The following OR6N1 variants were observed in gnomAD, a reference collection of about 807,000 sequenced individuals.
OR6N1 encodes olfactory receptor family 6 subfamily N member 1.
For missense variants in OR6N1, 394 were observed against 371.7 expected (o/e 1.06, Z -0.49); for synonymous variants, 170 against 150.7 (o/e 1.13, Z -0.94).
Position 158,766,543 on chromosome 1 carries a change from A to G in OR6N1, c.140T>C (p.Leu47Pro). The G allele has an allele frequency of 8.1e-6, 13 of 1,614,092 alleles. No homozygotes were observed. Among genetic ancestry groups the G allele is most frequent in the Non-Finnish European group, 1.1e-5 (13 of 1,179,998 alleles). Reference protein sequence around the residue: ...MTVLGNLLIFLVVCLDSRLHT... With the variant: ...MTVLGNLLIFPVVCLDSRLHT... The stretch of plus-strand genomic sequence containing the variant: ...AAGCCGGGAGTCCAGGCAGACCACC[A>G]GGAATATCAGCAGGTTTCCCAACAC... The change falls in exon 2 of 2, where the codon CTG (leucine) becomes CCG (proline). Residue 47 changes from leucine to proline, a missense_variant. Transcript: ENST00000641846.
the OR6N1 span, among the ~76,000 whole-genome samples, chr1:158,812,961 G>T: frequency 6.6e-6 from 1 of 152,102 alleles, no homozygotes; most frequent in Non-Finnish European, 1.5e-5. Context: ...TGGAATGGGG[G>T]AAACAGACCC....
At position 158,766,511 on chromosome 1, in the gene OR6N1, G is replaced by T. The variant is rs376841145; in HGVS notation, c.172C>A (p.Pro58Thr). 7.4e-5 allele frequency: 119 copies of T among 1,614,030 alleles called. No individual in the cohort carries two copies. The highest frequency in any genetic ancestry group is 8.9e-5 in the Non-Finnish European group (105 of 1,180,024). ...VVCLDSRLHT[P>T]MYHFVSILSF... Reference sequence around the variant, plus strand: ...AGAATGCTGACAAAGTGGTACATGGGTGTGTGAAGCCGGGAGTCCAGGCAG... The same window carrying T: ...AGAATGCTGACAAAGTGGTACATGGTTGTGTGAAGCCGGGAGTCCAGGCAG... Residue 58 changes from proline (P) to threonine (T), a missense_variant, in exon 2 of 2, where the codon CCC becomes ACC. By Grantham distance (38) the Pro-to-Thr change is conservative (BLOSUM62 -1). Transcript: ENST00000641846.
chr1:158,819,334 T>C, the OR6N1 span, among the ~76,000 whole-genome samples: 1 of 152,160 alleles, frequency 6.6e-6, no homozygotes, highest in Admixed American at 6.5e-5. Context: ...AGGGCATCAT[T>C]TCCTACATTC....
chr1:158,782,856 G>A, the OR6N1 span, among the ~76,000 whole-genome samples: 2 of 151,964 alleles, frequency 1.3e-5, no homozygotes, highest in Non-Finnish European at 2.9e-5. Flanking sequence ...GACTTTGTCT[G>A]ATGTTGGTAT....
the OR6N1 span, among the ~76,000 whole-genome samples, chr1:158,794,509 T>A: frequency 6.6e-6 from 1 of 152,288 alleles, no homozygotes; most frequent in African/African-American, 2.4e-5. Flanking sequence ...TCCACGCTGT[T>A]GCCAGGGAGC....
chr1:158,829,802 A>G, the OR6N1 span, among the ~76,000 whole-genome samples: 3 of 152,218 alleles, frequency 2.0e-5, no homozygotes, highest in South Asian at 4.1e-4. Flanking sequence ...AAAGAATCTT[A>G]TTGGACTTAA....
At chr1:158,772,360 C>G (rs1657443212), upstream of OR6N1, among the ~76,000 whole-genome samples, 1 of 152,158 alleles carries the variant, frequency 6.6e-6, no homozygotes, top group African/African-American at 2.4e-5. Context: ...AGTTCATTAG[C>G]CAGTAGTCCT....
At chr1:158,833,979 G>T in the OR6N1 span, among the ~76,000 whole-genome samples, 10 of 152,018 alleles carry the variant, frequency 6.6e-5, no homozygotes, top group South Asian at 2.1e-3. Context: ...GATGTACAAG[G>T]TTTCCCTTTT....
the OR6N1 span, among the ~76,000 whole-genome samples, chr1:158,810,399 C>T: frequency 6.6e-6 from 1 of 152,112 alleles, no homozygotes; most frequent in Non-Finnish European, 1.5e-5. Context: ...ATTTCATGTT[C>T]CTGGAAATGC....
the OR6N1 span, among the ~76,000 whole-genome samples, chr1:158,797,104 G>T: frequency 6.6e-6 from 1 of 152,154 alleles, no homozygotes; most frequent in East Asian, 1.9e-4. Context: ...CTCTAATTTG[G>T]CAACTCCTTC....
At chr1:158,837,056 A>G in the OR6N1 span, among the ~76,000 whole-genome samples, 1 of 151,838 alleles carries the variant, frequency 6.6e-6, no homozygotes, top group Admixed American at 6.6e-5. Context: ...TGATAAAAAA[A>G]TATACTCTGT....
chr1:158,835,615 T>TGGGGGGG, the OR6N1 span, among the ~76,000 whole-genome samples: 1 of 38,604 alleles, frequency 2.6e-5, no homozygotes, highest in African/African-American at 1.0e-4. Flanking sequence ...CTATTTTTGG[T>TGGGGGGG]GGGGGCGGGG....
rs768599503 is a variant in OR6N1, at chr1:158,766,043, T to C, written c.640A>G (p.Ile214Val). 6.2e-7 allele frequency: 1 copy of C among 1,614,156 alleles called. No individual in the cohort carries two copies. Among genetic ancestry groups the C allele is most frequent in the East Asian group, 2.2e-5 (1 of 44,882 alleles). Residue 214 changes from isoleucine (I) to valine (V), a missense_variant, in exon 2 of 2, where the codon ATC becomes GTC. By Grantham distance (29) the Ile-to-Val change is conservative (BLOSUM62 3). Transcript: ENST00000641846. ...ATGATCTGCACATAGGAGCAGAGGA[T>C]CAGCAGGAAGGTGGCTAGGATCTTG... Reference protein sequence around the residue: ...SCKILATFLLILCSYVQIICT... With the variant: ...SCKILATFLLVLCSYVQIICT...
At chr1:158,785,553 C>T in the OR6N1 span, among the ~76,000 whole-genome samples, 1 of 152,076 alleles carries the variant, frequency 6.6e-6, no homozygotes, top group East Asian at 1.9e-4. Context: ...TATTTTTCTC[C>T]CCAAAGTGTA....
chr1:158,784,061 T>A, the OR6N1 span, among the ~76,000 whole-genome samples: 1 of 151,942 alleles, frequency 6.6e-6, no homozygotes, highest in East Asian at 1.9e-4. Context: ...AGCCGAGATC[T>A]CGCCACTGCA....
In OR6N1 at chr1:158,765,687, TG is replaced by T; in HGVS notation, c.*56del. 7.1e-7 allele frequency: 1 copy of T among 1,407,220 alleles called. No individual in the cohort carries two copies. Among genetic ancestry groups the T allele is most frequent in the Non-Finnish European group, 9.9e-7 (1 of 1,014,390 alleles). 87.2% of individuals were successfully genotyped at this position (1,407,220 alleles called of 1,614,324 possible). A position where few individuals can be genotyped will look rare whatever the true frequency, so the allele number is the denominator to read the frequency against. On this transcript the variant is annotated 3_prime_UTR_variant, in exon 2 of 2. Coordinates refer to ENST00000641846, the MANE Select transcript of OR6N1 (RefSeq NM_001005185.2). ...TTAGTTTCTCGTCTCTGGCCACTGT[TG>T]ATCCCTGGGGCCACCATATCCTCAG...
At chr1:158,829,465 C>G in the OR6N1 span, among the ~76,000 whole-genome samples, 2 of 152,146 alleles carry the variant, frequency 1.3e-5, no homozygotes, top group South Asian at 4.1e-4. Context: ...CAAAACATAA[C>G]AAGAGTCACC....
chr1:158,788,533 A>T, the OR6N1 span, among the ~76,000 whole-genome samples: 2 of 152,070 alleles, frequency 1.3e-5, no homozygotes. Flanking sequence ...GTTTTATCAC[A>T]TACTTTTCAT....
At chr1:158,820,208 G>A in the OR6N1 span, among the ~76,000 whole-genome samples, 1,207 of 152,330 alleles carry the variant, frequency 7.9e-3, 17 homozygotes, top group African/African-American at 0.028. Context: ...GGTGGAACAG[G>A]TGTTCCTTGC....
Sources: gnomAD v4.1 joint callset for allele counts (sites outside exome capture counted in the v4.1 genomes callset) on GRCh38, gnomAD v4.1.1 for gene constraint, MANE v1.5 for transcripts, NCBI Gene and HGNC (gene_info 2026-07-23, HGNC 2026-07-21) for gene names.